The following OSBPL6 variants were observed in gnomAD, a reference collection of about 807,000 sequenced individuals.
OSBPL6 encodes the protein oxysterol-binding protein-related protein 6.
In OSBPL6, 49 loss-of-function variants were observed where a neutral mutation model predicts 125.8. That is an observed-to-expected ratio of 0.39 (90% confidence interval 0.31 to 0.49). The LOEUF is 0.49. OSBPL6 is among the 20% of genes least tolerant of loss of function. OSBPL6 has a pLI of 0.88. For synonymous variants in OSBPL6, 394 were observed against 391.8 expected (o/e 1.01, Z -0.07); for missense variants, 986 against 1,135.4 (o/e 0.87, Z 1.89).
At chr2:178,394,726 TC>T (rs1284030427) in intron 24 of OSBPL6, among the ~76,000 whole-genome samples, 2 of 152,164 alleles carry the variant, frequency 1.3e-5, no homozygotes, top group Non-Finnish European at 2.9e-5. Context: ...TGGTTCCCAC[TC>T]CCTTAGCCAG....
chr2:178,378,577 G>GA (rs1359610551), intron 15 of OSBPL6, among the ~76,000 whole-genome samples: 1 of 152,102 alleles, frequency 6.6e-6, no homozygotes, highest in African/African-American at 2.4e-5. Flanking sequence ...TCACATTTAG[G>GA]AAAAATATAT....
At chr2:178,350,399 C>T (rs934237229) in intron 12 of OSBPL6, among the ~76,000 whole-genome samples, 3 of 152,072 alleles carry the variant, frequency 2.0e-5, no homozygotes, top group Admixed American at 2.0e-4. Context: ...TATTGCTTTT[C>T]GTCACAAATA....
At chr2:178,331,754 G>T in intron 6 of OSBPL6, 149 bp downstream of exon 6, 1 of 764,600 alleles carries the variant, frequency 1.3e-6, no homozygotes. Flanking sequence ...AAACCTCCAT[G>T]TTCTAAAGTG....
At chr2:178,277,020 C>A (rs1484236463) in intron 1 of OSBPL6, among the ~76,000 whole-genome samples, 2 of 152,164 alleles carry the variant, frequency 1.3e-5, no homozygotes, top group African/African-American at 4.8e-5. Context: ...TTTCCTGGCA[C>A]AGCAGCAGAG....
At position 178,331,560 on chromosome 2, in the gene OSBPL6, T is replaced by C; in HGVS notation, c.327T>C (p.Phe109=). The C allele has an allele frequency of 6.2e-7, 1 of 1,614,186 alleles. No individual in the cohort carries two copies. The highest frequency in any genetic ancestry group is 2.2e-5 in the East Asian group (1 of 44,874). ...WPLKGWHKRF[F]VLDNGMLKYS... ...GTGTTTGGTTCTTGCAGCGTTTTTT[T>C]GTCCTGGATAATGGAATGTTAAAGT... Residue 109 remains phenylalanine, a synonymous_variant, in exon 6 of 25, where the codon TTT becomes TTC. Coordinates refer to ENST00000190611, the MANE Select transcript of OSBPL6 (RefSeq NM_032523.4).
intron 3 of OSBPL6, chr2:178,323,722 CA>C (rs1322606108): frequency 6.6e-6 from 1 of 152,334 alleles, no homozygotes; most frequent in African/African-American, 2.4e-5. Context: ...CCCAGCCTCC[CA>C]AAGTGCTGAG....
chr2:178,306,818 A>G (rs1039477704), intron 3 of OSBPL6, among the ~76,000 whole-genome samples: 14 of 152,240 alleles, frequency 9.2e-5, no homozygotes, highest in Non-Finnish European at 2.1e-4. Flanking sequence ...GTTATTACTT[A>G]ATCATGGTAG....
At chr2:178,355,359 A>G (rs1691683469) in intron 12 of OSBPL6, among the ~76,000 whole-genome samples, 12 of 152,234 alleles carry the variant, frequency 7.9e-5, no homozygotes, top group Admixed American at 7.8e-4. Flanking sequence ...ATAAATTAGA[A>G]AAGAGAGAAG....
At chr2:178,302,730 T>A (rs1158195430) in intron 2 of OSBPL6, among the ~76,000 whole-genome samples, 1 of 152,244 alleles carries the variant, frequency 6.6e-6, no homozygotes, top group Non-Finnish European at 1.5e-5. Flanking sequence ...AATGTTGCCC[T>A]TTTATCATAA....
In OSBPL6 at chr2:178,270,528, T is replaced by C. The variant is rs547660467; in HGVS notation, c.-350-14399T>C. Among the ~76,000 whole-genome samples the C allele has an allele frequency of 3.3e-5, 5 of 152,314 alleles. No individual in the cohort carries two copies. The South Asian group carries it at 1.0e-3, about 32-fold the overall frequency. ...CAGTTAGAGGGTGGAAGAGTAGGAA[T>C]GTGAACCGACATGGTTCCAGACACG... is the stretch of plus-strand genomic sequence containing the variant. On this transcript the variant is annotated intron_variant, in intron 1 of 24. Coordinates refer to ENST00000190611, the MANE Select transcript of OSBPL6 (RefSeq NM_032523.4).
chr2:178,320,637 C>T (rs1688155741), intron 3 of OSBPL6, among the ~76,000 whole-genome samples: 1 of 152,104 alleles, frequency 6.6e-6, no homozygotes, highest in South Asian at 2.1e-4. Flanking sequence ...AAGAAAAGTA[C>T]AAAAATTATA....
At chr2:178,256,256 A>G (rs1419736292) in intron 1 of OSBPL6, among the ~76,000 whole-genome samples, 1 of 152,230 alleles carries the variant, frequency 6.6e-6, no homozygotes, top group Non-Finnish European at 1.5e-5. Context: ...TGTAAGGAGG[A>G]ATATAACTTA....
intron 19 of OSBPL6, among the ~76,000 whole-genome samples, chr2:178,386,114 T>C (rs1694913222): frequency 6.6e-6 from 1 of 152,232 alleles, no homozygotes; most frequent in Non-Finnish European, 1.5e-5. Context: ...AGTTCCTTCG[T>C]GTTTGGAAGG....
At chr2:178,263,828 T>TGC (rs942945038) in intron 1 of OSBPL6, among the ~76,000 whole-genome samples, 1 of 151,804 alleles carries the variant, frequency 6.6e-6, no homozygotes, top group African/African-American at 2.4e-5. Context: ...TGTGTGTGTG[T>TGC]GTGTGTGTGC....
chr2:178,340,595 TCTC>T (rs1469119739), intron 11 of OSBPL6, among the ~76,000 whole-genome samples: 2 of 152,080 alleles, frequency 1.3e-5, no homozygotes, highest in African/African-American at 4.8e-5. Context: ...TCTCCATTAT[TCTC>T]CTCCTAAATG....
At chr2:178,265,032 T>G (rs1448663588) in intron 1 of OSBPL6, among the ~76,000 whole-genome samples, 1 of 149,824 alleles carries the variant, frequency 6.7e-6, no homozygotes, top group Non-Finnish European at 1.5e-5. Flanking sequence ...TAGTACTGGC[T>G]GATTTTTTTT....
intron 1 of OSBPL6, among the ~76,000 whole-genome samples, chr2:178,258,282 G>A (rs116407125): frequency 0.045 from 6,768 of 151,964 alleles, 194 homozygotes; most frequent in African/African-American, 0.072. Flanking sequence ...TCTGTGTTTA[G>A]TAGAGAAGGA....
At chr2:178,320,628 A>G (rs1295915634) in intron 3 of OSBPL6, among the ~76,000 whole-genome samples, 3 of 152,236 alleles carry the variant, frequency 2.0e-5, no homozygotes, top group Admixed American at 6.5e-5. Context: ...TATCTTGTGA[A>G]GAAAAGTACA....
chr2:178,298,046 C>T (rs900268400), intron 2 of OSBPL6, among the ~76,000 whole-genome samples: 1 of 152,146 alleles, frequency 6.6e-6, no homozygotes, highest in Non-Finnish European at 1.5e-5. Flanking sequence ...CCCTGATAAC[C>T]ACCATTCTAC....
Sources: allele counts gnomAD v4.1 joint callset (sites outside exome capture counted in the v4.1 genomes callset), GRCh38; gene constraint gnomAD v4.1.1; transcripts MANE v1.5; gene names NCBI Gene and HGNC (gene_info 2026-07-23, HGNC 2026-07-21).